NOTCH3: variants seen among roughly 807,000 people sequenced by gnomAD.
NOTCH3 encodes the protein neurogenic locus notch homolog protein 3.
NOTCH3 carries 86 observed loss-of-function variants against 213.3 expected under a neutral mutation model. The observed-to-expected ratio is 0.40, with a 90% CI of 0.34 to 0.48. NOTCH3 has a LOEUF of 0.48. Among genes scored for constraint, NOTCH3 ranks in the 20% least tolerant of loss-of-function variants. NOTCH3 has a pLI of 0.57. For missense variants in NOTCH3, 2,783 were observed against 3,272.6 expected, an observed-to-expected ratio of 0.85 and a Z score of 3.65; for synonymous variants, 1,354 against 1,355.9, an observed-to-expected ratio of 1.00 and a Z score of 0.03.
chr19:15,188,632 C>A (rs1349055617), intron 8 of NOTCH3, among the ~76,000 whole-genome samples: 1 of 152,108 alleles, frequency 6.6e-6, no homozygotes, highest in Non-Finnish European at 1.5e-5. Flanking sequence ...TCCCCAGCCC[C>A]CAGCCCCAGG....
At chr19:15,183,450 A>T (rs1946009198) in intron 16 of NOTCH3, among the ~76,000 whole-genome samples, 1 of 151,640 alleles carries the variant, frequency 6.6e-6, no homozygotes, top group Non-Finnish European at 1.5e-5. Context: ...CCCAGGCTGC[A>T]GTACAATGAC....
chr19:15,174,503 C>T (rs1397377750), intron 24 of NOTCH3, 103 bp from the exon 25 acceptor site: 25 of 839,982 alleles, frequency 3.0e-5, no homozygotes, highest in Non-Finnish European at 4.3e-5. Flanking sequence ...CCAGACAAGG[C>T]TTGCACAGGG....
chr19:15,170,911 G>C, intron 25 of NOTCH3, 86 bp from the exon 26 acceptor site: 4 of 1,479,100 alleles, frequency 2.7e-6, no homozygotes, highest in Non-Finnish European at 3.7e-6. Context: ...CCTCCCCAGC[G>C]CCTGGCTCTG....
chr19:15,197,450 C>CCCCCCCCCCCCCCCCA, intron 2 of NOTCH3, 50 bp downstream of exon 2: 1 of 890,776 alleles, frequency 1.1e-6, no homozygotes, highest in East Asian at 2.5e-5. Flanking sequence ...CGCCCCTCCC[C>CCCCCCCCCCCCCCCCA]CCCGCCCCCA....
In NOTCH3 at chr19:15,170,627, C is replaced by T. The variant is rs2046725018; in HGVS notation, c.4891+44G>A. On this transcript the variant is annotated intron_variant, in intron 26 of 32. Transcript: ENST00000263388. ...GGCCTCAGGCGGGGCTTCGGCCGCC[C>T]CCAGCTCCGCCCCCGCCACCCCCTC... 4 of 1,543,180 alleles carry T rather than the reference C, an allele frequency of 2.6e-6. No individual in the cohort carries two copies. In the East Asian group the frequency reaches 9.7e-5, roughly 38 times the overall value.
intron 17 of NOTCH3, 91 bp downstream of exon 17, chr19:15,181,485 C>A (rs1599383218): frequency 1.9e-6 from 2 of 1,068,624 alleles, no homozygotes; most frequent in East Asian, 2.6e-5. Context: ...GCTGAGGACT[C>A]CCCCAAGTCG....
In NOTCH3 at chr19:15,160,890, G is replaced by T; in HGVS notation, c.6738C>A (p.Thr2246=). The T allele has an allele frequency of 2.5e-6, 4 of 1,612,958 alleles. No homozygotes were observed. The highest frequency in any genetic ancestry group is 3.4e-6 in the Non-Finnish European group (4 of 1,179,324). Residue 2246 remains threonine, a synonymous_variant, in exon 33 of 33, where the codon ACC becomes ACA. Transcript: ENST00000263388. The part of the protein sequence containing the change: ...LRVPSEHPYL[T]PSPESPEHWA... The stretch of plus-strand genomic sequence containing the variant: ...AGTGCTCAGGGGATTCGGGGGATGG[G>T]GTCAGGTAAGGGTGCTCACTGGGAA...
At chr19:15,173,103 TC>T (rs1253867315) in intron 25 of NOTCH3, among the ~76,000 whole-genome samples, 1 of 65,038 alleles carries the variant, frequency 1.5e-5, no homozygotes, top group Non-Finnish European at 2.5e-5. Flanking sequence ...TTCTTCTTCT[TC>T]TTTTTTTTTT....
chr19:15,194,637 G>C (rs527335619), intron 2 of NOTCH3, among the ~76,000 whole-genome samples: 2 of 152,120 alleles, frequency 1.3e-5, no homozygotes, highest in Admixed American at 6.6e-5. Flanking sequence ...CGGCATTCCA[G>C]GCAGAGGGAA....
At chr19:15,198,918 A>AG (rs957131440) in intron 1 of NOTCH3, among the ~76,000 whole-genome samples, 26 of 152,100 alleles carry the variant, frequency 1.7e-4, no homozygotes, top group African/African-American at 5.6e-4. Context: ...AAAAAAAAAA[A>AG]AGAGAGAGAG....
At chr19:15,183,215 C>T (rs557195606) in intron 16 of NOTCH3, among the ~76,000 whole-genome samples, 2 of 152,216 alleles carry the variant, frequency 1.3e-5, no homozygotes, top group African/African-American at 4.8e-5. Context: ...GATCGCACCA[C>T]TGCACTCCAG....
At chr19:15,170,873 G>GCA (rs1209789250) in intron 25 of NOTCH3, 48 bp from the exon 26 acceptor site, 25 of 1,597,552 alleles carry the variant, frequency 1.6e-5, no homozygotes, top group Admixed American at 1.4e-4. Context: ...ATTGCCCGAT[G>GCA]CACCCCCTGG....
At chr19:15,170,045 G>A in intron 28 of NOTCH3, 41 bp downstream of exon 28, 1 of 1,166,598 alleles carries the variant, frequency 8.6e-7, no homozygotes, top group Non-Finnish European at 1.3e-6. Flanking sequence ...CCTGAGGGGA[G>A]GGGTCAGAGG....
At chr19:15,195,322 A>G (rs1370937913) in intron 2 of NOTCH3, among the ~76,000 whole-genome samples, 2 of 151,940 alleles carry the variant, frequency 1.3e-5, no homozygotes, top group Non-Finnish European at 1.5e-5. Flanking sequence ...AAGCCCACCA[A>G]GGAGTGTGAG....
At position 15,165,941 on chromosome 19, in the gene NOTCH3, G is replaced by A. The variant is rs2145392274; in HGVS notation, c.5513C>T (p.Thr1838Ile). The A allele has an allele frequency of 7.4e-6, 12 of 1,614,184 alleles. No homozygotes were observed. The highest frequency in any genetic ancestry group is 1.0e-5 in the Non-Finnish European group (12 of 1,180,034). The part of the protein sequence containing the change: ...GAQLGARTDR[T>I]GETALHLAAR... ...AGCCAGGTGCAAAGCAGTCTCGCCA[G>A]TACGGTCAGTCCGTGCCCCAAGCTG... Residue 1838 changes from threonine to isoleucine, a missense_variant, in exon 30 of 33, where the codon ACT becomes ATT. Thr to Ile is a moderately conservative substitution (Grantham distance 89). Transcript: ENST00000263388. The surrounding 1 kb of genome is among the most constrained non-coding windows in gnomAD (Gnocchi z 4.7).
At chr19:15,199,507 G>A (rs922435475) in intron 1 of NOTCH3, among the ~76,000 whole-genome samples, 1 of 152,170 alleles carries the variant, frequency 6.6e-6, no homozygotes, top group Non-Finnish European at 1.5e-5. Flanking sequence ...AGTGTGTGCA[G>A]GCAGCGTGTG....
chr19:15,195,169 G>C (rs545297324), intron 2 of NOTCH3, among the ~76,000 whole-genome samples: 2 of 152,130 alleles, frequency 1.3e-5, no homozygotes, highest in South Asian at 4.1e-4. Flanking sequence ...AGACAGCAGG[G>C]CTCCCACAAA....
intron 16 of NOTCH3, among the ~76,000 whole-genome samples, chr19:15,182,978 T>C (rs1032972420): frequency 6.6e-6 from 1 of 151,962 alleles, no homozygotes; most frequent in African/African-American, 2.4e-5. Flanking sequence ...TTAAATATAT[T>C]AAATTTGGTC....
At chr19:15,169,409 C>A (rs2046712481) in intron 28 of NOTCH3, among the ~76,000 whole-genome samples, 1 of 142,478 alleles carries the variant, frequency 7.0e-6, no homozygotes, top group Admixed American at 7.1e-5. Context: ...TGCTGTGGGA[C>A]TTTTTTTTTT....
Sources: allele counts gnomAD v4.1 joint callset (sites outside exome capture counted in the v4.1 genomes callset), GRCh38; gene constraint gnomAD v4.1.1; non-coding constraint Gnocchi (gnomAD v3.1); transcripts MANE v1.5; gene names NCBI Gene and HGNC (gene_info 2026-07-23, HGNC 2026-07-21).